Variants in PTPRD observed in about 807,000 individuals in gnomAD.
PTPRD encodes the protein receptor-type tyrosine-protein phosphatase delta.
PTPRD carries 34 observed loss-of-function variants against 214.5 expected under a neutral mutation model. The observed-to-expected ratio is 0.16, with a 90% confidence interval of 0.12 to 0.21. The LOEUF (loss-of-function observed/expected upper bound fraction) is 0.21, where lower values mean the gene tolerates loss of function less well. Among genes scored for constraint, PTPRD ranks in the 10% least tolerant of loss-of-function variants. The pLI is 1.00. For missense variants in PTPRD, 2,545 were observed against 2,398.7 expected, an observed-to-expected ratio of 1.06 and a Z score of -1.27; for synonymous variants, 1,128 against 845.7, an observed-to-expected ratio of 1.33 and a Z score of -5.79.
intron 20 of PTPRD, among the ~76,000 whole-genome samples, chr9:8,519,582 C>G (rs2097851006): frequency 6.6e-6 from 1 of 152,114 alleles, no homozygotes; most frequent in African/African-American, 2.4e-5. Flanking sequence ...TCAAGAGCAG[C>G]AAACTTGTAC....
chr9:10,041,483 G>C (rs911572636), intron 3 of PTPRD, among the ~76,000 whole-genome samples: 1 of 151,614 alleles, frequency 6.6e-6, no homozygotes, highest in African/African-American at 2.4e-5. Flanking sequence ...ACTGAAATAA[G>C]CATATTATGT....
At chr9:8,789,947 C>T (rs897576853) in intron 11 of PTPRD, among the ~76,000 whole-genome samples, 3 of 152,130 alleles carry the variant, frequency 2.0e-5, no homozygotes, top group Admixed American at 2.0e-4. Context: ...CAGATAAATT[C>T]CACTATACCT....
intron 3 of PTPRD, among the ~76,000 whole-genome samples, chr9:10,333,107 T>C (rs1162799063): frequency 6.6e-6 from 1 of 151,870 alleles, no homozygotes; most frequent in Non-Finnish European, 1.5e-5. Flanking sequence ...GATTGATTTC[T>C]GTAAAATACG....
intron 11 of PTPRD, among the ~76,000 whole-genome samples, chr9:8,855,235 T>C (rs952025593): frequency 1.3e-5 from 2 of 151,844 alleles, no homozygotes; most frequent in Non-Finnish European, 2.9e-5. Flanking sequence ...GCTTAGCAAA[T>C]AGCAGCAGAT....
intron 4 of PTPRD, among the ~76,000 whole-genome samples, chr9:9,974,640 G>A (rs779563537): frequency 1.3e-5 from 2 of 152,028 alleles, no homozygotes; most frequent in South Asian, 2.1e-4. Flanking sequence ...TGAAGCTTCC[G>A]ACATCTTTTG....
intron 8 of PTPRD, among the ~76,000 whole-genome samples, chr9:9,570,742 G>A (rs995635015): frequency 1.3e-5 from 2 of 151,262 alleles, no homozygotes; most frequent in African/African-American, 4.8e-5. Context: ...TGATTATTGC[G>A]CTCAATATTT....
At chr9:9,939,444 G>C (rs1279458614) in intron 4 of PTPRD, among the ~76,000 whole-genome samples, 1 of 152,096 alleles carries the variant, frequency 6.6e-6, no homozygotes, top group Non-Finnish European at 1.5e-5. Flanking sequence ...CCAAGATTTG[G>C]AGTTTGTTGC....
At chr9:9,348,745 C>T (rs772460627) in intron 9 of PTPRD, among the ~76,000 whole-genome samples, 20 of 152,072 alleles carry the variant, frequency 1.3e-4, no homozygotes, top group Non-Finnish European at 2.4e-4. Flanking sequence ...TTATTTGGTG[C>T]TTTATGTGGC....
chr9:9,949,470 C>T (rs2093202130), intron 4 of PTPRD, among the ~76,000 whole-genome samples: 1 of 151,736 alleles, frequency 6.6e-6, no homozygotes, highest in Non-Finnish European at 1.5e-5. Context: ...CTCTTGTTTT[C>T]CTTCCTCCAT....
At chr9:9,912,335 G>C (rs192513042) in intron 5 of PTPRD, among the ~76,000 whole-genome samples, 3 of 152,128 alleles carry the variant, frequency 2.0e-5, no homozygotes, top group Admixed American at 6.5e-5. Flanking sequence ...TAAAACATTT[G>C]TCCAAAATTT....
rs572726195 is a variant in PTPRD, at chr9:10,131,013, T to A, written c.-544-97223A>T. 2.6e-5 allele frequency among the ~76,000 whole-genome samples: 4 copies of A among 152,144 alleles called. No individual in the cohort carries two copies. The East Asian group carries it at 5.8e-4, about 22-fold the overall frequency. On this transcript the variant is annotated intron_variant, in intron 3 of 45. Transcript: ENST00000381196. ...CTATAAGCTACCATCAAATGCAAGA[T>A]AAAAGAAGTATAAGGTGATACTAGT... is the stretch of plus-strand genomic sequence containing the variant.
intron 10 of PTPRD, among the ~76,000 whole-genome samples, chr9:9,134,247 TA>T (rs1421298591): frequency 6.8e-6 from 1 of 148,038 alleles, no homozygotes; most frequent in Non-Finnish European, 1.5e-5. Context: ...TAATTTTTTG[TA>T]TTTTTTAGTA....
chr9:8,782,776 A>G (rs1375266714), intron 11 of PTPRD, among the ~76,000 whole-genome samples: 2 of 151,872 alleles, frequency 1.3e-5, no homozygotes, highest in African/African-American at 2.4e-5. Context: ...TTATATTTTT[A>G]GTAGAGACAG....
intron 39 of PTPRD, among the ~76,000 whole-genome samples, chr9:8,367,322 G>T (rs912836652): frequency 1.3e-5 from 2 of 152,040 alleles, no homozygotes; most frequent in Non-Finnish European, 2.9e-5. Context: ...CATAAGCAGT[G>T]GTTTTCATGT....
At chr9:10,034,418 T>A (rs2154134971) in intron 3 of PTPRD, among the ~76,000 whole-genome samples, 1 of 150,926 alleles carries the variant, frequency 6.6e-6, no homozygotes, top group South Asian at 2.1e-4. Context: ...TTTTTTTTTT[T>A]TTTTTTTTTT....
intron 24 of PTPRD, 145 bp from the exon 25 acceptor site, chr9:8,499,985 A>G (rs1021524941): frequency 3.7e-6 from 2 of 536,922 alleles, no homozygotes; most frequent in African/African-American, 3.9e-5. Context: ...AACATTTTCA[A>G]CCAATGAAAA....
At chr9:9,747,668 T>G (rs1248702759) in intron 6 of PTPRD, among the ~76,000 whole-genome samples, 1 of 151,444 alleles carries the variant, frequency 6.6e-6, no homozygotes, top group Non-Finnish European at 1.5e-5. Context: ...TGCCTCAGCC[T>G]CCTGAGTAGC....
chr9:10,382,888 T>G (rs2382205), intron 2 of PTPRD, among the ~76,000 whole-genome samples: 132,775 of 151,812 alleles, frequency 0.87, 58,114 homozygotes, highest in African/African-American at 0.92. Flanking sequence ...TCTTCCTTAA[T>G]ACCATGGTGT....
At chr9:10,416,114 G>A (rs1291947104) in intron 2 of PTPRD, among the ~76,000 whole-genome samples, 2 of 151,650 alleles carry the variant, frequency 1.3e-5, no homozygotes, top group African/African-American at 2.4e-5. Context: ...TTGAGAGGCC[G>A]AGGCGGGCGG....
Sources: gnomAD v4.1 joint callset for allele counts (sites outside exome capture counted in the v4.1 genomes callset) on GRCh38, gnomAD v4.1.1 for gene constraint, MANE v1.5 for transcripts, NCBI Gene and HGNC (gene_info 2026-07-23, HGNC 2026-07-21) for gene names.